Variants in UBAC2 observed in about 807,000 individuals in gnomAD.
UBAC2 encodes the protein ubiquitin-associated domain-containing protein 2.
In UBAC2, 26 loss-of-function variants were observed where a neutral mutation model predicts 44.0. The ratio of observed to expected loss-of-function variants is 0.59; its 90% CI spans 0.43 to 0.82. UBAC2 has a LOEUF of 0.82. Ranked by LOEUF, UBAC2 falls within the 40% of genes least tolerant of loss-of-function variation. UBAC2 has a pLI of 0.00. For synonymous variants in UBAC2, 155 were observed against 154.3 expected (o/e 1.00, Z -0.04); for missense variants, 329 against 419.4 (o/e 0.78, Z 1.88).
chr13:99,329,620 T>A (rs1216575863), intron 6 of UBAC2, among the ~76,000 whole-genome samples: 1 of 152,234 alleles, frequency 6.6e-6, no homozygotes, highest in African/African-American at 2.4e-5. Context: ...CCATCTACCA[T>A]GCCATGAGGA....
intron 4 of UBAC2, among the ~76,000 whole-genome samples, chr13:99,250,441 C>G (rs1450849893): frequency 6.6e-6 from 1 of 152,170 alleles, no homozygotes; most frequent in African/African-American, 2.4e-5. Flanking sequence ...GTACCAGTAC[C>G]ATGCTGTTTT....
At chr13:99,217,331 G>T (rs1007632251) in intron 1 of UBAC2, among the ~76,000 whole-genome samples, 3 of 152,162 alleles carry the variant, frequency 2.0e-5, no homozygotes, top group Non-Finnish European at 4.4e-5. Flanking sequence ...TTTTCTCCCA[G>T]GGAGAGGTCC....
chr13:99,201,401 G>A, intron 1 of UBAC2: 2 of 1,608,418 alleles, frequency 1.2e-6, no homozygotes, highest in Admixed American at 3.4e-5. Context: ...TGACCTCTCA[G>A]TTTCACTTGG....
chr13:99,339,427 C>G (rs934391507), intron 6 of UBAC2, among the ~76,000 whole-genome samples: 2 of 152,180 alleles, frequency 1.3e-5, no homozygotes, highest in African/African-American at 4.8e-5. Flanking sequence ...GCTATAAGCC[C>G]TGTGAGAGTG....
chr13:99,319,076 G>A (rs949356733), intron 6 of UBAC2, among the ~76,000 whole-genome samples: 3 of 152,126 alleles, frequency 2.0e-5, no homozygotes, highest in African/African-American at 7.2e-5. Flanking sequence ...CAGGTGGGTT[G>A]GACCTGACCA....
At chr13:99,242,532 G>A (rs1434190563) in intron 2 of UBAC2, among the ~76,000 whole-genome samples, 117 of 139,596 alleles carry the variant, frequency 8.4e-4, no homozygotes, top group African/African-American at 9.9e-4. Context: ...CCTCCCGGAC[G>A]GGGCGGCTGT....
chr13:99,302,093 A>G (rs2044265294), intron 4 of UBAC2, among the ~76,000 whole-genome samples: 1 of 152,182 alleles, frequency 6.6e-6, no homozygotes, highest in African/African-American at 2.4e-5. Flanking sequence ...GGTGACCTAA[A>G]TCAATGTGCC....
At chr13:99,367,745 G>T in intron 7 of UBAC2, 42 bp from the exon 8 acceptor site, 1 of 1,613,190 alleles carries the variant, frequency 6.2e-7, no homozygotes, top group Non-Finnish European at 8.5e-7. Flanking sequence ...TGATGATTCT[G>T]CTCCTTCTGT....
chr13:99,206,704 C>T (rs1278432283), intron 1 of UBAC2, among the ~76,000 whole-genome samples: 6 of 152,168 alleles, frequency 3.9e-5, no homozygotes, highest in Admixed American at 1.3e-4. Context: ...CCCTTGGCAC[C>T]GTTTCTCAGC....
intron 2 of UBAC2, among the ~76,000 whole-genome samples, chr13:99,242,226 A>C (rs1322137714): frequency 7.9e-5 from 12 of 151,754 alleles, no homozygotes; most frequent in African/African-American, 1.9e-4. Flanking sequence ...CATTGTCATC[A>C]TGGCCCGTTC....
intron 4 of UBAC2, among the ~76,000 whole-genome samples, chr13:99,299,997 C>T (rs976426877): frequency 3.9e-5 from 6 of 152,198 alleles, no homozygotes; most frequent in Non-Finnish European, 8.8e-5. Context: ...TTTCATGCTG[C>T]CCTTAAAGAA....
At chr13:99,342,869 T>C (rs2044913150) in intron 7 of UBAC2, among the ~76,000 whole-genome samples, 1 of 152,226 alleles carries the variant, frequency 6.6e-6, no homozygotes, top group Non-Finnish European at 1.5e-5. Flanking sequence ...CTGCCCAGGC[T>C]CTGCCCATAG....
At chr13:99,316,860 C>G (rs1222377742) in intron 5 of UBAC2, among the ~76,000 whole-genome samples, 1 of 152,232 alleles carries the variant, frequency 6.6e-6, no homozygotes, top group African/African-American at 2.4e-5. Flanking sequence ...TGCTTAACCA[C>G]TCGGTTTTAC....
At chr13:99,209,232 G>A (rs902267462) in intron 1 of UBAC2, among the ~76,000 whole-genome samples, 1 of 152,148 alleles carries the variant, frequency 6.6e-6, no homozygotes, top group Admixed American at 6.5e-5. Flanking sequence ...TGAAGGTGTG[G>A]CTGTACTCAC....
intron 4 of UBAC2, among the ~76,000 whole-genome samples, chr13:99,257,775 CAT>C (rs1353933864): frequency 3.3e-5 from 5 of 152,044 alleles, no homozygotes; most frequent in African/African-American, 1.2e-4. Flanking sequence ...CCTAAATATA[CAT>C]ATGATTTACC....
intron 3 of UBAC2, among the ~76,000 whole-genome samples, 182 bp from the exon 4 acceptor site, chr13:99,244,333 T>C (rs1296993839): frequency 1.4e-5 from 2 of 147,960 alleles, no homozygotes; most frequent in African/African-American, 2.4e-5. Flanking sequence ...CCGCCCATTT[T>C]CTAAAGTCTA....
At chr13:99,224,169 C>T (rs1347911576) in intron 1 of UBAC2, among the ~76,000 whole-genome samples, 1 of 152,184 alleles carries the variant, frequency 6.6e-6, no homozygotes, top group East Asian at 1.9e-4. Context: ...TTTGGTTTCT[C>T]CTGGGGCCTT....
chr13:99,365,698 T>TA (rs1216508580), intron 7 of UBAC2, among the ~76,000 whole-genome samples: 1 of 152,216 alleles, frequency 6.6e-6, no homozygotes, highest in African/African-American at 2.4e-5. Flanking sequence ...ACTTTGTAAA[T>TA]ACTTTAAATG....
chr13:99,316,038 C>T (rs187416795), intron 5 of UBAC2, among the ~76,000 whole-genome samples: 2 of 151,854 alleles, frequency 1.3e-5, no homozygotes, highest in Non-Finnish European at 2.9e-5. Flanking sequence ...CATGAGGGAT[C>T]CCCCTTAGCC....
Sources: gnomAD v4.1 joint callset for allele counts (sites outside exome capture counted in the v4.1 genomes callset) on GRCh38, gnomAD v4.1.1 for gene constraint, MANE v1.5 for transcripts, NCBI Gene and HGNC (gene_info 2026-07-23, HGNC 2026-07-21) for gene names.